Variants in ANKS1B observed in about 807,000 individuals in gnomAD.
The protein encoded by ANKS1B is ankyrin repeat and sterile alpha motif domain containing 1B, also known as ankyrin repeat and sterile alpha motif domain-containing protein 1B.
A neutral mutation model predicts 148.3 loss-of-function variants in ANKS1B; 36 were observed. The observed-to-expected ratio is 0.24, with a 90% CI of 0.19 to 0.32. ANKS1B has a LOEUF of 0.32. Ranked by LOEUF, ANKS1B falls within the 10% of genes least tolerant of loss-of-function variation. ANKS1B has a pLI of 1.00. For synonymous variants in ANKS1B, 542 were observed against 560.8 expected, an observed-to-expected ratio of 0.97 and a Z score of 0.47; for missense variants, 1,157 against 1,542.6, an observed-to-expected ratio of 0.75 and a Z score of 4.19.
intron 17 of ANKS1B, among the ~76,000 whole-genome samples, chr12:98,834,400 G>A (rs572446915): frequency 5.3e-5 from 8 of 152,294 alleles, no homozygotes; most frequent in African/African-American, 1.9e-4. Flanking sequence ...CTAAGCACAC[G>A]TGATTTCTAG....
At chr12:99,941,903 G>T (rs1603474910) in intron 1 of ANKS1B, among the ~76,000 whole-genome samples, 1 of 152,148 alleles carries the variant, frequency 6.6e-6, no homozygotes, top group East Asian at 1.9e-4. Context: ...ACAGAAGAAG[G>T]TGGACAGGGA....
intron 15 of ANKS1B, among the ~76,000 whole-genome samples, chr12:99,114,704 A>C (rs1274901331): frequency 1.3e-5 from 2 of 152,068 alleles, no homozygotes; most frequent in Non-Finnish European, 2.9e-5. Flanking sequence ...GTGAGCCGAG[A>C]CCGTACCACT....
chr12:99,544,915 A>G lies in ANKS1B; in HGVS notation c.1273-40274T>C, dbSNP rs536433799. Reference sequence around the variant, plus strand: ...AAGTGCCTGCTGTTTTAACTCTTCCACTGCAAAACACTGTCTAATTATTGG... The same window carrying G: ...AAGTGCCTGCTGTTTTAACTCTTCCGCTGCAAAACACTGTCTAATTATTGG... On this transcript the variant is annotated intron_variant, in intron 9 of 26. Coordinates refer to ENST00000683438, the MANE Select transcript of ANKS1B (RefSeq NM_001352186.2). 8.5e-5 allele frequency among the ~76,000 whole-genome samples: 13 copies of G among 152,240 alleles called. No homozygotes were observed. In the South Asian group the frequency reaches 2.5e-3, roughly 29 times the overall value.
chr12:99,661,662 AAAGACT>A (rs2098478169), intron 8 of ANKS1B, among the ~76,000 whole-genome samples: 1 of 152,162 alleles, frequency 6.6e-6, no homozygotes, highest in African/African-American at 2.4e-5. Context: ...TTTCTCTGGC[AAAGACT>A]ATTAGTCATC....
At chr12:99,946,498 C>T (rs1029279534) in intron 1 of ANKS1B, among the ~76,000 whole-genome samples, 1 of 152,096 alleles carries the variant, frequency 6.6e-6, no homozygotes, top group Admixed American at 6.6e-5. Flanking sequence ...GCTCTAAGCC[C>T]ATCATGAGGG....
intron 17 of ANKS1B, among the ~76,000 whole-genome samples, chr12:98,838,386 C>T (rs887785215): frequency 2.6e-5 from 4 of 152,184 alleles, no homozygotes; most frequent in Non-Finnish European, 4.4e-5. Flanking sequence ...AATCTCAATC[C>T]GTTTATTGCC....
intron 12 of ANKS1B, among the ~76,000 whole-genome samples, chr12:99,253,923 A>G (rs1381940926): frequency 6.6e-6 from 1 of 152,238 alleles, no homozygotes; most frequent in East Asian, 1.9e-4. Context: ...CCTAAATCTA[A>G]TTATATAGGA....
intron 8 of ANKS1B, among the ~76,000 whole-genome samples, chr12:99,754,433 T>C (rs1001162142): frequency 1.3e-4 from 20 of 152,100 alleles, no homozygotes; most frequent in African/African-American, 4.8e-4. Context: ...CCACTGACAA[T>C]ATGAGAAAGA....
At chr12:99,648,094 C>A in intron 9 of ANKS1B, 1 of 1,530,026 alleles carries the variant, frequency 6.5e-7, no homozygotes, top group East Asian at 2.3e-5. Context: ...CCAGAGTAGC[C>A]AAGGAAACAG....
At chr12:99,926,774 C>T (rs1047338062) in intron 1 of ANKS1B, among the ~76,000 whole-genome samples, 2 of 152,192 alleles carry the variant, frequency 1.3e-5, no homozygotes, top group Non-Finnish European at 2.9e-5. Flanking sequence ...CTAAAGCATC[C>T]CGCCTAAATA....
chr12:99,782,610 T>C (rs1245169521), intron 4 of ANKS1B, among the ~76,000 whole-genome samples: 1 of 152,202 alleles, frequency 6.6e-6, no homozygotes, highest in Admixed American at 6.5e-5. Context: ...GTATTTCACC[T>C]TCTCTTAGCT....
chr12:98,845,862 C>T (rs1382669575), intron 17 of ANKS1B, among the ~76,000 whole-genome samples: 1 of 151,520 alleles, frequency 6.6e-6, no homozygotes, highest in East Asian at 1.9e-4. Flanking sequence ...GATATGCATA[C>T]AGAATGTACA....
intron 9 of ANKS1B, among the ~76,000 whole-genome samples, chr12:99,622,706 G>A (rs2098068979): frequency 6.6e-6 from 1 of 151,838 alleles, no homozygotes; most frequent in African/African-American, 2.4e-5. Flanking sequence ...GGAAGAAACT[G>A]AAACCCTAAA....
At chr12:99,854,200 G>A (rs1166198645) in intron 1 of ANKS1B, among the ~76,000 whole-genome samples, 1 of 152,110 alleles carries the variant, frequency 6.6e-6, no homozygotes, top group Non-Finnish European at 1.5e-5. Context: ...CTTTAGTAGA[G>A]ACGGGGTTTC....
chr12:99,511,316 T>C (rs1231054560), intron 9 of ANKS1B, among the ~76,000 whole-genome samples: 1 of 152,032 alleles, frequency 6.6e-6, no homozygotes, highest in Non-Finnish European at 1.5e-5. Flanking sequence ...CATTCACAAC[T>C]GCTACTAAGA....
intron 15 of ANKS1B, among the ~76,000 whole-genome samples, chr12:99,100,510 C>T (rs1276416254): frequency 6.6e-6 from 1 of 152,136 alleles, no homozygotes; most frequent in African/African-American, 2.4e-5. Flanking sequence ...GAGGTGGGAT[C>T]AGAAGGCATA....
At chr12:99,652,428 G>A (rs1227631823) in intron 9 of ANKS1B, among the ~76,000 whole-genome samples, 3 of 151,804 alleles carry the variant, frequency 2.0e-5, no homozygotes, top group Admixed American at 6.6e-5. Context: ...ATCCAAGATC[G>A]TACCACTGCA....
Position 99,912,348 on chromosome 12 carries a change from C to T in ANKS1B, c.134+71756G>A, listed in dbSNP as rs116118148. 9.6e-3 allele frequency among the ~76,000 whole-genome samples: 1,317 copies of T among 137,262 alleles called. 23 individuals carry two copies. The highest frequency in any genetic ancestry group is 0.036 in the African/African-American group (1,252 of 34,986). 90.0% of individuals were successfully genotyped at this position (137,262 alleles called of 152,430 possible). On this transcript the variant is annotated intron_variant, in intron 1 of 26. Transcript: ENST00000683438. ...CCCAAAGCACTACCTAATGGTTTCC[C>T]AATCAATTTTTTTTTTTTTTTGAGA...
intron 15 of ANKS1B, among the ~76,000 whole-genome samples, chr12:99,125,034 G>C (rs1331267062): frequency 6.6e-6 from 1 of 152,130 alleles, no homozygotes; most frequent in Non-Finnish European, 1.5e-5. Context: ...TATAAAGTGA[G>C]CTGAAAAATT....
Sources: gnomAD v4.1 joint callset for allele counts (sites outside exome capture counted in the v4.1 genomes callset) on GRCh38, gnomAD v4.1.1 for gene constraint, MANE v1.5 for transcripts, NCBI Gene and HGNC (gene_info 2026-07-23, HGNC 2026-07-21) for gene names.